The following DNER variants were observed in gnomAD, a reference collection of about 807,000 sequenced individuals.
DNER encodes the protein delta/notch like EGF repeat containing, also known as delta and Notch-like epidermal growth factor-related receptor.
In DNER, 33 loss-of-function variants were observed where a neutral mutation model predicts 78.2. That is an observed-to-expected ratio of 0.42 (90% CI 0.32 to 0.56). DNER has a LOEUF of 0.56. Ranked by LOEUF, DNER falls within the 20% of genes least tolerant of loss-of-function variation. DNER has a pLI of 0.11. For synonymous variants in DNER, 417 were observed against 384.8 expected (o/e 1.08, Z -0.98); for missense variants, 918 against 975.3 (o/e 0.94, Z 0.78).
At chr2:229,370,604 G>A (rs1692459804) in intron 11 of DNER, among the ~76,000 whole-genome samples, 1 of 152,204 alleles carries the variant, frequency 6.6e-6, no homozygotes, top group African/African-American at 2.4e-5. Flanking sequence ...TGCACTGAGA[G>A]AGACAACTCA....
chr2:229,482,356 T>C (rs1216522392), intron 6 of DNER, among the ~76,000 whole-genome samples: 1 of 152,230 alleles, frequency 6.6e-6, no homozygotes, highest in Non-Finnish European at 1.5e-5. Flanking sequence ...AAAGAGATCC[T>C]TTTAAGATAT....
intron 1 of DNER, among the ~76,000 whole-genome samples, chr2:229,623,817 G>T (rs545376677): frequency 2.4e-4 from 37 of 152,308 alleles, no homozygotes; most frequent in African/African-American, 8.2e-4. Flanking sequence ...CCAGAGCCAA[G>T]GAACCCCCAG....
intron 4 of DNER, among the ~76,000 whole-genome samples, chr2:229,559,286 T>C (rs13391951): frequency 0.024 from 3,584 of 152,162 alleles, 150 homozygotes; most frequent in African/African-American, 0.082. Context: ...TTAAAACCAC[T>C]GGGACAGGGA....
At position 229,653,464 on chromosome 2, in the gene DNER, A is replaced by G. The variant is rs140437075; in HGVS notation, c.276+60684T>C. On this transcript the variant is annotated intron_variant, in intron 1 of 12. Coordinates refer to ENST00000341772, the MANE Select transcript of DNER (RefSeq NM_139072.4). ...GCCACTTGTCATAAAAATTAAAAGC[A>G]TATAAATTCTTCACTCTACAGTTTT... Among the ~76,000 whole-genome samples the G allele has an allele frequency of 1.3e-3, 195 of 152,304 alleles. 1 individual carries two copies. Among genetic ancestry groups the G allele is most frequent in the East Asian group, 0.011 (58 of 5,176 alleles).
intron 5 of DNER, among the ~76,000 whole-genome samples, chr2:229,520,398 C>G (rs1307641290): frequency 6.6e-6 from 1 of 152,198 alleles, no homozygotes; most frequent in African/African-American, 2.4e-5. Flanking sequence ...TCAAGCCACT[C>G]CTTGCTAAAG....
chr2:229,563,734 A>T (rs1367872057), intron 4 of DNER, among the ~76,000 whole-genome samples: 2 of 132,790 alleles, frequency 1.5e-5, no homozygotes, highest in African/African-American at 5.8e-5. Context: ...CATCATCATC[A>T]CCCCATCACC....
chr2:229,486,742 C>T (rs1695284172), intron 6 of DNER, among the ~76,000 whole-genome samples: 1 of 152,094 alleles, frequency 6.6e-6, no homozygotes, highest in African/African-American at 2.4e-5. Context: ...AGCAATATGC[C>T]AATATTTTTG....
intron 1 of DNER, among the ~76,000 whole-genome samples, chr2:229,610,602 G>A (rs568111997): frequency 6.6e-6 from 1 of 151,054 alleles, no homozygotes; most frequent in African/African-American, 2.4e-5. Flanking sequence ...TCCAGTCTGC[G>A]GTCCTTTCGT....
chr2:229,471,146 A>T (rs547712198), intron 7 of DNER, among the ~76,000 whole-genome samples: 6 of 152,224 alleles, frequency 3.9e-5, no homozygotes, highest in African/African-American at 1.4e-4. Flanking sequence ...TGCTGGAAAA[A>T]AAAAACAACT....
At chr2:229,676,631 C>T (rs1699305173) in intron 1 of DNER, among the ~76,000 whole-genome samples, 1 of 152,176 alleles carries the variant, frequency 6.6e-6, no homozygotes, top group Non-Finnish European at 1.5e-5. Context: ...GTCCTCCTCT[C>T]TGAGCAGCAC....
chr2:229,482,845 T>C (rs1695194683), intron 6 of DNER, among the ~76,000 whole-genome samples: 1 of 151,870 alleles, frequency 6.6e-6, no homozygotes, highest in African/African-American at 2.4e-5. Context: ...CACAACAGAG[T>C]AGAAGACCTA....
intron 1 of DNER, among the ~76,000 whole-genome samples, chr2:229,668,334 C>G (rs1236491294): frequency 1.3e-5 from 2 of 151,086 alleles, no homozygotes; most frequent in African/African-American, 4.9e-5. Flanking sequence ...GTCAGAGAAA[C>G]TGTGTGTATC....
At chr2:229,526,664 G>C (rs935385591) in intron 5 of DNER, among the ~76,000 whole-genome samples, 2 of 152,198 alleles carry the variant, frequency 1.3e-5, no homozygotes, top group Non-Finnish European at 2.9e-5. Flanking sequence ...TAATGCCTCC[G>C]CTGATCGGAC....
At chr2:229,571,283 G>A (rs1697214607) in intron 4 of DNER, among the ~76,000 whole-genome samples, 1 of 152,102 alleles carries the variant, frequency 6.6e-6, no homozygotes, top group Non-Finnish European at 1.5e-5. Flanking sequence ...TCAGAAGAGG[G>A]AAGCCACACT....
chr2:229,699,241 A>G (rs1407974), intron 1 of DNER, among the ~76,000 whole-genome samples: 124,544 of 152,206 alleles, frequency 0.82, 51,470 homozygotes, highest in East Asian at 0.94. Flanking sequence ...ATCTTGATAA[A>G]ATGGTTGCAG....
At chr2:229,587,953 AAAAT>A (rs987451726) in intron 3 of DNER, among the ~76,000 whole-genome samples, 4 of 151,982 alleles carry the variant, frequency 2.6e-5, no homozygotes, top group East Asian at 1.9e-4. Flanking sequence ...GAAAACTGTA[AAAAT>A]AAATAAATAA....
At chr2:229,589,263 G>A (rs986835025) in intron 2 of DNER, among the ~76,000 whole-genome samples, 1 of 152,098 alleles carries the variant, frequency 6.6e-6, no homozygotes, top group African/African-American at 2.4e-5. Flanking sequence ...CATCATCACA[G>A]AATTAATTGA....
chr2:229,680,966 T>C (rs921737708), intron 1 of DNER, among the ~76,000 whole-genome samples: 2 of 152,182 alleles, frequency 1.3e-5, no homozygotes, highest in Non-Finnish European at 1.5e-5. Context: ...TGGCAGGAGA[T>C]GGGAGTGGAG....
intron 5 of DNER, among the ~76,000 whole-genome samples, chr2:229,540,718 C>T (rs775943338): frequency 2.0e-5 from 3 of 152,168 alleles, no homozygotes; most frequent in Admixed American, 6.5e-5. Context: ...TCACAGAAGT[C>T]AGGACTCGTC....
Sources: gnomAD v4.1 joint callset for allele counts (sites outside exome capture counted in the v4.1 genomes callset) on GRCh38, gnomAD v4.1.1 for gene constraint, MANE v1.5 for transcripts, NCBI Gene and HGNC (gene_info 2026-07-23, HGNC 2026-07-21) for gene names.